The following TAF4B variants were observed in gnomAD, a reference collection of about 807,000 sequenced individuals.
TAF4B encodes the protein TATA-box binding protein associated factor 4b.
TAF4B carries 38 observed loss-of-function variants against 86.4 expected under a neutral mutation model. The observed-to-expected ratio is 0.44, with a 90% CI of 0.34 to 0.58. The LOEUF (loss-of-function observed/expected upper bound fraction) is 0.58, where lower values mean the gene tolerates loss of function less well. Ranked by LOEUF, TAF4B falls within the 20% of genes least tolerant of loss-of-function variation. The pLI, the probability that TAF4B is intolerant of heterozygous loss-of-function variation, is 0.02. For missense variants in TAF4B, 988 were observed against 1,027.6 expected, an observed-to-expected ratio of 0.96 and a Z score of 0.53; for synonymous variants, 388 against 391.2, an observed-to-expected ratio of 0.99 and a Z score of 0.10.
intron 5 of TAF4B, among the ~76,000 whole-genome samples, chr18:26,280,508 A>G (rs1568124611): frequency 2.0e-5 from 3 of 152,206 alleles, no homozygotes; most frequent in Admixed American, 6.5e-5. Flanking sequence ...ATGAACAGAC[A>G]TTTCTGAAAA....
In TAF4B at chr18:26,255,795, G is replaced by T. The variant is rs921331388; in HGVS notation, c.344-9375G>T. Reference sequence around the variant, plus strand: ...GCTGCAGCAAGGCTTGAAGAGATGTGTGTCAATGAGAACTTCCCCAAAACG... The same window carrying T: ...GCTGCAGCAAGGCTTGAAGAGATGTTTGTCAATGAGAACTTCCCCAAAACG... On this transcript the variant is annotated intron_variant, in intron 1 of 14. Transcript: ENST00000269142. 10 of 1,497,962 alleles carry T rather than the reference G, an allele frequency of 6.7e-6. No homozygotes were observed. In the African/African-American group the frequency reaches 1.2e-4, roughly 19 times the overall value. 92.8% of individuals were successfully genotyped at this position (1,497,962 alleles called of 1,614,324 possible).
chr18:26,265,020 T>G, intron 1 of TAF4B, 150 bp from the exon 2 acceptor site: 6 of 750,166 alleles, frequency 8.0e-6, no homozygotes, highest in Non-Finnish European at 1.2e-5. Flanking sequence ...AAACATTTGT[T>G]CATCTTTGTA....
At chr18:26,359,625 A>G (rs571162679) in intron 14 of TAF4B, among the ~76,000 whole-genome samples, 1 of 152,268 alleles carries the variant, frequency 6.6e-6, no homozygotes, top group Non-Finnish European at 1.5e-5. Context: ...CTCTCATACT[A>G]TTCAACTTAT....
chr18:26,319,039 A>T (rs950893585), intron 10 of TAF4B, among the ~76,000 whole-genome samples: 3 of 151,996 alleles, frequency 2.0e-5, no homozygotes, highest in Non-Finnish European at 2.9e-5. Context: ...ACAAAAATTT[A>T]AAAAAGTAGT....
intron 14 of TAF4B, among the ~76,000 whole-genome samples, chr18:26,369,789 A>G (rs567326877): frequency 2.0e-5 from 3 of 152,346 alleles, no homozygotes; most frequent in Admixed American, 6.5e-5. Flanking sequence ...TGGTAATGCC[A>G]TATTTTGTAT....
At chr18:26,230,870 G>A (rs1226101307) in intron 1 of TAF4B, among the ~76,000 whole-genome samples, 1 of 152,038 alleles carries the variant, frequency 6.6e-6, no homozygotes, top group Non-Finnish European at 1.5e-5. Flanking sequence ...GGGCAATAGG[G>A]CTGCAGCCCC....
chr18:26,262,977 G>GT (rs1442699754), intron 1 of TAF4B, among the ~76,000 whole-genome samples: 2 of 151,824 alleles, frequency 1.3e-5, no homozygotes, highest in Non-Finnish European at 2.9e-5. Flanking sequence ...TAGAGACAGT[G>GT]TTGTGCTCTG....
intron 1 of TAF4B, among the ~76,000 whole-genome samples, chr18:26,258,540 C>T (rs1436060077): frequency 6.6e-6 from 1 of 152,128 alleles, no homozygotes; most frequent in Non-Finnish European, 1.5e-5. Flanking sequence ...AGTAATAATA[C>T]ATTTATACTG....
intron 14 of TAF4B, among the ~76,000 whole-genome samples, chr18:26,374,675 T>G (rs1185342446): frequency 2.6e-5 from 4 of 152,172 alleles, no homozygotes; most frequent in Admixed American, 6.5e-5. Flanking sequence ...TCTGTGAAAT[T>G]TGTCCCAGTT....
chr18:26,235,153 C>T (rs542353095), intron 1 of TAF4B, among the ~76,000 whole-genome samples: 2 of 152,206 alleles, frequency 1.3e-5, no homozygotes, highest in South Asian at 4.2e-4. Context: ...TGTACTAGGG[C>T]CTGCTTTAAG....
chr18:26,295,058 G>A (rs1278919603), intron 9 of TAF4B: 2 of 152,228 alleles, frequency 1.3e-5, no homozygotes, highest in South Asian at 2.1e-4. Context: ...GCAAACATTT[G>A]GATCTTAAAT....
intron 13 of TAF4B, among the ~76,000 whole-genome samples, chr18:26,347,764 G>A (rs897090865): frequency 6.6e-6 from 1 of 152,156 alleles, no homozygotes; most frequent in Non-Finnish European, 1.5e-5. Context: ...CCAAAAGCTA[G>A]CAGGAGTAGC....
intron 7 of TAF4B, among the ~76,000 whole-genome samples, chr18:26,290,341 C>T (rs2056576978): frequency 6.6e-6 from 1 of 152,100 alleles, no homozygotes; most frequent in Non-Finnish European, 1.5e-5. Flanking sequence ...GAGACAGGGT[C>T]TTGCTATATT....
intron 3 of TAF4B, 142 bp from the exon 4 acceptor site, chr18:26,274,521 C>A: frequency 1.2e-6 from 1 of 824,976 alleles, no homozygotes; most frequent in Non-Finnish European, 1.9e-6. Context: ...GTTCCTAGAA[C>A]TGTATTATAT....
chr18:26,228,805 G>T (rs140847880), intron 1 of TAF4B, among the ~76,000 whole-genome samples: 2,200 of 152,112 alleles, frequency 0.014, 42 homozygotes, highest in African/African-American at 0.051. Flanking sequence ...GAACTGTCAA[G>T]AGTGAAAATT....
At chr18:26,329,610 G>T (rs2057035386) in intron 12 of TAF4B, among the ~76,000 whole-genome samples, 1 of 152,174 alleles carries the variant, frequency 6.6e-6, no homozygotes, top group Non-Finnish European at 1.5e-5. Context: ...GTTTCCAAGA[G>T]TATAAGCCTT....
chr18:26,388,248 G>A (rs1407402515), intron 14 of TAF4B, among the ~76,000 whole-genome samples: 3 of 152,182 alleles, frequency 2.0e-5, no homozygotes, highest in African/African-American at 7.2e-5. Flanking sequence ...CCAATTAAAA[G>A]TAATAGTATA....
chr18:26,372,442 G>A (rs2057411949), intron 14 of TAF4B, among the ~76,000 whole-genome samples: 1 of 152,142 alleles, frequency 6.6e-6, no homozygotes. Context: ...CTTTTGGTAT[G>A]CAGATATTGA....
At chr18:26,320,079 T>C (rs78710363) in intron 10 of TAF4B, among the ~76,000 whole-genome samples, 3 of 152,328 alleles carry the variant, frequency 2.0e-5, no homozygotes, top group East Asian at 3.9e-4. Context: ...GTATTTGAGT[T>C]ATTGACTTTT....
Sources: gnomAD v4.1 joint callset for allele counts (sites outside exome capture counted in the v4.1 genomes callset) on GRCh38, gnomAD v4.1.1 for gene constraint, MANE v1.5 for transcripts, NCBI Gene and HGNC (gene_info 2026-07-23, HGNC 2026-07-21) for gene names.